Variants in BAHD1 observed in about 807,000 individuals in gnomAD.
BAHD1 encodes bromo adjacent homology domain containing 1.
A neutral mutation model predicts 63.1 loss-of-function variants in BAHD1; 20 were observed. The ratio of observed to expected loss-of-function variants is 0.32; its 90% CI spans 0.22 to 0.46. The LOEUF is 0.46. Among genes scored for constraint, BAHD1 ranks in the 20% least tolerant of loss-of-function variants. The probability of loss-of-function intolerance (pLI) is 1.00; values close to 1 mark genes in which losing one functional copy is unlikely to be tolerated. For missense variants in BAHD1, 939 were observed against 1,071.8 expected, an observed-to-expected ratio of 0.88 and a Z score of 1.73; for synonymous variants, 408 against 426.8, an observed-to-expected ratio of 0.96 and a Z score of 0.54.
chr15:40,462,420 T>A lies in BAHD1; in HGVS notation c.1815+126T>A. 3.8e-6 allele frequency: 5 copies of A among 1,326,560 alleles called. 1 individual carries two copies. In the South Asian group the frequency reaches 7.1e-5, roughly 19 times the overall value. 82.2% of individuals were successfully genotyped at this position (1,326,560 alleles called of 1,614,324 possible). ...TGAGAGCTGACAAGGGACTCCAGTT[T>A]ACTTGTACCCCAGGAACCAGTCATG... On this transcript the variant is annotated intron_variant, in intron 3 of 6. Coordinates refer to ENST00000416165, the MANE Select transcript of BAHD1 (RefSeq NM_014952.5).
At chr15:40,460,948 A>G (rs1199737722) in intron 2 of BAHD1, among the ~76,000 whole-genome samples, 2 of 152,104 alleles carry the variant, frequency 1.3e-5, no homozygotes, top group East Asian at 3.9e-4. Flanking sequence ...CTAGACCCTT[A>G]TCCCCTCTCC....
rs1000482275 is a variant in BAHD1, at chr15:40,467,750, C to T, written c.*1620C>T. 3.3e-5 allele frequency: 5 copies of T among 152,624 alleles called. No individual in the cohort carries two copies. The highest frequency in any genetic ancestry group is 1.2e-4 in the African/African-American group (5 of 41,408). 9.5% of individuals were successfully genotyped at this position (152,624 alleles called of 1,614,324 possible). On this transcript the variant is annotated 3_prime_UTR_variant, in exon 7 of 7. Transcript: ENST00000416165. ...ACCTGAAGGGAAGGGACTTGGATCT[C>T]CTTATATTGAATAAGCTGTTTGGAG...
intron 3 of BAHD1, among the ~76,000 whole-genome samples, chr15:40,462,635 G>T (rs1032983433): frequency 4.6e-5 from 7 of 152,194 alleles, no homozygotes; most frequent in African/African-American, 1.7e-4. Flanking sequence ...AACTTTTCTG[G>T]ATAAGTCTAT....
chr15:40,448,858 C>T (rs1021545879), intron 1 of BAHD1, among the ~76,000 whole-genome samples: 50 of 138,122 alleles, frequency 3.6e-4, no homozygotes, highest in Non-Finnish European at 4.7e-4. Context: ...TTTTTTGAGA[C>T]GGAGGTTCAC....
At chr15:40,450,108 TAAGG>T (rs1324411808) in intron 1 of BAHD1, among the ~76,000 whole-genome samples, 2 of 152,214 alleles carry the variant, frequency 1.3e-5, no homozygotes, top group African/African-American at 2.4e-5. Flanking sequence ...GATTTACTGT[TAAGG>T]AAGGCAGAGC....
At chr15:40,448,722 A>G (rs1200242042) in intron 1 of BAHD1, among the ~76,000 whole-genome samples, 1 of 152,042 alleles carries the variant, frequency 6.6e-6, no homozygotes, top group Non-Finnish European at 1.5e-5. Flanking sequence ...TTTTGTAGAG[A>G]CAGGGTCTCA....
chr15:40,461,465 C>T (rs1894036090), intron 2 of BAHD1, among the ~76,000 whole-genome samples: 2 of 152,094 alleles, frequency 1.3e-5, no homozygotes, highest in Admixed American at 6.5e-5. Context: ...TGGTGAAACC[C>T]TATCTCTACT....
chr15:40,467,644 G>C lies in BAHD1; in HGVS notation c.*1514G>C, dbSNP rs1240268583. On this transcript the variant is annotated 3_prime_UTR_variant, in exon 7 of 7. Transcript: ENST00000416165. ...CCATGCCCTGTCCCTTAGTAGATGA[G>C]TTGCTCCTGATTGGTCATTGGGTTT... The C allele has an allele frequency of 6.5e-6, 1 of 152,852 alleles. No individual in the cohort carries two copies. The highest frequency in any genetic ancestry group is 1.9e-4 in the East Asian group (1 of 5,192). 9.5% of individuals were successfully genotyped at this position (152,852 alleles called of 1,614,324 possible).
chr15:40,463,577 C>A (rs1199200064), intron 3 of BAHD1, among the ~76,000 whole-genome samples: 1 of 151,886 alleles, frequency 6.6e-6, no homozygotes, highest in South Asian at 2.1e-4. Context: ...TGAGCACTTA[C>A]CCAGCACTGG....
At chr15:40,463,813 C>T in intron 3 of BAHD1, 48 bp from the exon 4 acceptor site, 2 of 1,604,926 alleles carry the variant, frequency 1.2e-6, no homozygotes, top group Non-Finnish European at 1.7e-6. Context: ...TGTCCTTACT[C>T]TGAGTGTGGC....
chr15:40,447,175 TAGTC>T (rs886207402), intron 1 of BAHD1, among the ~76,000 whole-genome samples: 35 of 152,172 alleles, frequency 2.3e-4, no homozygotes, highest in African/African-American at 8.4e-4. Flanking sequence ...GTTTCCACCA[TAGTC>T]AGGGCCAGCA....
chr15:40,455,405 C>T (rs73387098), intron 1 of BAHD1, among the ~76,000 whole-genome samples: 13,484 of 152,202 alleles, frequency 0.089, 911 homozygotes, highest in African/African-American at 0.19. Flanking sequence ...GCTCAGACTC[C>T]TGAAAGTGGA....
intron 1 of BAHD1, among the ~76,000 whole-genome samples, chr15:40,451,009 G>T (rs1395094187): frequency 6.6e-6 from 1 of 151,810 alleles, no homozygotes; most frequent in African/African-American, 2.4e-5. Context: ...GTGGTGGTGG[G>T]TGACTGTAAT....
At position 40,466,241 on chromosome 15, in the gene BAHD1, G is replaced by C; in HGVS notation, c.*111G>C. 2.9e-5 allele frequency: 22 copies of C among 755,018 alleles called. No homozygotes were observed. Among genetic ancestry groups the C allele is most frequent in the Non-Finnish European group, 4.2e-5 (21 of 500,744 alleles). The allele number at this position is 755,018 out of a possible 1,614,324, so 46.8% of individuals were successfully genotyped here. ...GGGCCACAGAGGCCTAAGTTTGCTG[G>C]CCTGTGGTTTTCTTGGGGGGGAGGG... On this transcript the variant is annotated 3_prime_UTR_variant, in exon 7 of 7. Coordinates refer to ENST00000416165, the MANE Select transcript of BAHD1 (RefSeq NM_014952.5).
chr15:40,465,129 C>T (rs1324432932), intron 5 of BAHD1: 1 of 585,030 alleles, frequency 1.7e-6, no homozygotes, highest in Non-Finnish European at 3.1e-6. Context: ...AGATACCTGG[C>T]TATTCTGGAG....
intron 3 of BAHD1, 30 bp from the exon 4 acceptor site, chr15:40,463,831 G>A (rs1894123089): frequency 6.2e-7 from 1 of 1,612,810 alleles, no homozygotes; most frequent in Non-Finnish European, 8.5e-7. Flanking sequence ...GGCTCTGCAA[G>A]CCTATTTGTG....
At chr15:40,446,864 C>T (rs2141476155) in intron 1 of BAHD1, among the ~76,000 whole-genome samples, 1 of 152,270 alleles carries the variant, frequency 6.6e-6, no homozygotes, top group South Asian at 2.1e-4. Flanking sequence ...CTGTTGATGG[C>T]TCCTACTTTT....
chr15:40,444,113 G>C (rs1343819395), intron 1 of BAHD1, among the ~76,000 whole-genome samples: 4 of 151,828 alleles, frequency 2.6e-5, no homozygotes, highest in African/African-American at 9.7e-5. Context: ...AAACCTCTGT[G>C]TGTGTGTGTG....
At chr15:40,464,906 G>GGAGGT in intron 5 of BAHD1, 1 of 381,538 alleles carries the variant, frequency 2.6e-6, no homozygotes, top group Non-Finnish European at 4.8e-6. Context: ...GGAGGGGAGG[G>GGAGGT]GAGGAAAGAC....
Sources: allele counts gnomAD v4.1 joint callset (sites outside exome capture counted in the v4.1 genomes callset), GRCh38; gene constraint gnomAD v4.1.1; transcripts MANE v1.5; gene names NCBI Gene and HGNC (gene_info 2026-07-23, HGNC 2026-07-21).